The following CSMD1 variants were observed in gnomAD, a reference collection of about 807,000 sequenced individuals.
The protein encoded by CSMD1 is CUB and sushi domain-containing protein 1.
In CSMD1, 213 loss-of-function variants were observed where a neutral mutation model predicts 417.5. The observed-to-expected ratio is 0.51, with a 90% CI of 0.46 to 0.57. The LOEUF is 0.57. Ranked by LOEUF, CSMD1 falls within the 20% of genes least tolerant of loss-of-function variation. CSMD1 has a pLI of 0.00. For missense variants in CSMD1, 6,923 were observed against 4,529.7 expected (o/e 1.53, Z -15.17); for synonymous variants, 2,862 against 1,736.8 (o/e 1.65, Z -16.11).
chr8:4,498,778 T>C (rs1235087717), intron 2 of CSMD1, among the ~76,000 whole-genome samples: 1 of 152,176 alleles, frequency 6.6e-6, no homozygotes, highest in African/African-American at 2.4e-5. Context: ...AAGAGGATGT[T>C]GGCCAAGCTA....
intron 2 of CSMD1, among the ~76,000 whole-genome samples, chr8:4,465,165 T>C (rs1195410368): frequency 2.0e-5 from 3 of 152,186 alleles, no homozygotes; most frequent in African/African-American, 4.8e-5. Flanking sequence ...TGTCACTTTA[T>C]GTCACCAGAG....
At chr8:3,928,905 T>C (rs1049387827) in intron 5 of CSMD1, among the ~76,000 whole-genome samples, 2 of 149,754 alleles carry the variant, frequency 1.3e-5, no homozygotes, top group African/African-American at 4.9e-5. Flanking sequence ...GTGATCTTTC[T>C]TTTCGTATAC....
intron 3 of CSMD1, among the ~76,000 whole-genome samples, chr8:4,130,704 T>C (rs1270154768): frequency 3.5e-5 from 5 of 144,868 alleles, no homozygotes; most frequent in Non-Finnish European, 7.5e-5. Flanking sequence ...TGGAGGGGAG[T>C]AGATAACACA....
chr8:4,601,888 T>G (rs1800607745), intron 2 of CSMD1, among the ~76,000 whole-genome samples: 1 of 152,188 alleles, frequency 6.6e-6, no homozygotes. Flanking sequence ...GGGCACAGCC[T>G]GGAACCGTCT....
At chr8:4,400,323 G>T (rs555659607) in intron 3 of CSMD1, among the ~76,000 whole-genome samples, 1 of 152,296 alleles carries the variant, frequency 6.6e-6, no homozygotes, top group Admixed American at 6.5e-5. Context: ...GGTCCCATAG[G>T]AAACTGTTTT....
At chr8:4,026,748 G>T (rs753760944) in intron 4 of CSMD1, among the ~76,000 whole-genome samples, 1 of 152,192 alleles carries the variant, frequency 6.6e-6, no homozygotes, top group Non-Finnish European at 1.5e-5. Flanking sequence ...ACTGTAATAA[G>T]GGGTTGTAAT....
Position 4,948,754 on chromosome 8 carries a change from GTTTC to G in CSMD1, c.85+45574_85+45577del, listed in dbSNP as rs773675038. ...ACCATTTAAGAAAAGTGATAGTTTA[GTTTC>G]TTTCTTTATAACCCTGAAAGTCTTA... On this transcript the variant is annotated intron_variant, in intron 1 of 69. Transcript: ENST00000635120. Among the ~76,000 whole-genome samples, 15 of 152,160 alleles carry G rather than the reference GTTTC, an allele frequency of 9.9e-5. No homozygotes were observed. In the South Asian group the frequency reaches 2.1e-3, roughly 21 times the overall value.
intron 12 of CSMD1, among the ~76,000 whole-genome samples, chr8:3,428,816 A>C (rs182151887): frequency 5.9e-5 from 9 of 152,222 alleles, no homozygotes; most frequent in Non-Finnish European, 1.0e-4. Context: ...GTGTCAATCA[A>C]TGGATGAATA....
At chr8:4,558,712 C>CA (rs1364709590) in intron 2 of CSMD1, among the ~76,000 whole-genome samples, 1 of 151,858 alleles carries the variant, frequency 6.6e-6, no homozygotes, top group Non-Finnish European at 1.5e-5. Context: ...ACTAAAAATA[C>CA]AAAAAAATTA....
Position 4,378,490 on chromosome 8 carries a change from A to ATC in CSMD1, c.415+41461_415+41462dup, listed in dbSNP as rs367807744. On this transcript the variant is annotated intron_variant, in intron 3 of 69. Transcript: ENST00000635120. ...TGTCTCCCTAGTTTTTATCCCCTTTATCTCTCTCTCTCTCTTTCTCTCTGT... is the reference window on the plus strand; with the variant it reads ...TGTCTCCCTAGTTTTTATCCCCTTTATCTCTCTCTCTCTCTCTTTCTCTCTGT... Among the ~76,000 whole-genome samples the ATC allele has an allele frequency of 5.5e-3, 836 of 151,744 alleles. 9 individuals carry two copies. Among genetic ancestry groups the ATC allele is most frequent in the Middle Eastern group, 0.044 (13 of 294 alleles).
intron 21 of CSMD1, among the ~76,000 whole-genome samples, chr8:3,356,552 G>A (rs952917389): frequency 1.1e-4 from 16 of 152,294 alleles, no homozygotes; most frequent in Non-Finnish European, 2.4e-4. Context: ...GCATGTGCCT[G>A]TAGTCCCAGC....
intron 3 of CSMD1, among the ~76,000 whole-genome samples, chr8:4,067,023 G>C (rs1322651221): frequency 6.6e-6 from 1 of 152,230 alleles, no homozygotes; most frequent in East Asian, 1.9e-4. Flanking sequence ...TGAGCTCTTA[G>C]TTTTGTGTAT....
At chr8:4,091,782 G>C (rs544268700) in intron 3 of CSMD1, among the ~76,000 whole-genome samples, 7 of 152,300 alleles carry the variant, frequency 4.6e-5, no homozygotes, top group African/African-American at 1.7e-4. Flanking sequence ...TTAAGTTGTA[G>C]TCACAAGGTT....
chr8:4,013,941 G>A (rs1266719337), intron 4 of CSMD1, among the ~76,000 whole-genome samples: 2 of 152,126 alleles, frequency 1.3e-5, no homozygotes, highest in Non-Finnish European at 2.9e-5. Context: ...AGCCCTGATT[G>A]ATAAGTGTAT....
intron 2 of CSMD1, among the ~76,000 whole-genome samples, chr8:4,550,443 A>C (rs1253494006): frequency 6.6e-6 from 1 of 151,982 alleles, no homozygotes; most frequent in Non-Finnish European, 1.5e-5. Context: ...AAAAAACTGT[A>C]AACTAAAGGT....
intron 21 of CSMD1, among the ~76,000 whole-genome samples, chr8:3,349,453 G>C (rs1808244922): frequency 6.6e-6 from 1 of 152,000 alleles, no homozygotes; most frequent in Non-Finnish European, 1.5e-5. Context: ...GAAAGTCAGA[G>C]AGGAGAACGC....
At chr8:3,222,197 G>T (rs1426150469) in intron 28 of CSMD1, among the ~76,000 whole-genome samples, 1 of 152,120 alleles carries the variant, frequency 6.6e-6, no homozygotes, top group Non-Finnish European at 1.5e-5. Context: ...AACTTCCAGA[G>T]GGGTGTATAA....
intron 5 of CSMD1, among the ~76,000 whole-genome samples, chr8:3,810,779 A>G (rs566083981): frequency 6.6e-6 from 1 of 152,264 alleles, no homozygotes; most frequent in African/African-American, 2.4e-5. Context: ...GTGTTGCATC[A>G]CTGGGTCCGG....
chr8:4,599,191 G>C (rs1374815378), intron 2 of CSMD1, among the ~76,000 whole-genome samples: 1 of 152,116 alleles, frequency 6.6e-6, no homozygotes, highest in East Asian at 1.9e-4. Context: ...AAAACAATAA[G>C]AATGACAACA....
Sources: gnomAD v4.1 joint callset for allele counts (sites outside exome capture counted in the v4.1 genomes callset) on GRCh38, gnomAD v4.1.1 for gene constraint, MANE v1.5 for transcripts, NCBI Gene and HGNC (gene_info 2026-07-23, HGNC 2026-07-21) for gene names.